ATP2A3: variants seen among roughly 807,000 people sequenced by gnomAD.
ATP2A3 encodes ATPase sarcoplasmic/endoplasmic reticulum Ca2+ transporting 3.
In ATP2A3, 61 loss-of-function variants were observed where a neutral mutation model predicts 106.8. That is an observed-to-expected ratio of 0.57 (90% CI 0.46 to 0.71). The LOEUF is 0.71. Among genes scored for constraint, ATP2A3 ranks in the 30% least tolerant of loss-of-function variants. ATP2A3 has a pLI of 0.00. For synonymous variants in ATP2A3, 611 were observed against 609.3 expected, an observed-to-expected ratio of 1.00 and a Z score of -0.04; for missense variants, 1,201 against 1,423.5, an observed-to-expected ratio of 0.84 and a Z score of 2.52.
At chr17:3,935,640 C>T (rs923874428) in intron 16 of ATP2A3, among the ~76,000 whole-genome samples, 5 of 149,686 alleles carry the variant, frequency 3.3e-5, no homozygotes, top group Non-Finnish European at 7.4e-5. Flanking sequence ...TGGGTTCAAG[C>T]GATTCTCCTG....
At chr17:3,937,720 CT>C in intron 14 of ATP2A3, 84 bp from the exon 15 acceptor site, 1 of 1,343,792 alleles carries the variant, frequency 7.4e-7, no homozygotes, top group Non-Finnish European at 1.0e-6. Flanking sequence ...CACCCCCAAT[CT>C]TAGGGGATGT....
intron 8 of ATP2A3, among the ~76,000 whole-genome samples, chr17:3,946,153 CA>C (rs1359289610): frequency 6.7e-6 from 1 of 148,150 alleles, no homozygotes; most frequent in East Asian, 2.0e-4. Flanking sequence ...GTGGCTGAAG[CA>C]AGAGAATCGC....
intron 1 of ATP2A3, among the ~76,000 whole-genome samples, chr17:3,961,552 C>T (rs371449088): frequency 5.9e-5 from 9 of 152,302 alleles, no homozygotes; most frequent in African/African-American, 2.2e-4. Context: ...CAGCCGCTGC[C>T]TCCCTCCCCT....
chr17:3,951,032 C>T (rs563961670), intron 5 of ATP2A3, among the ~76,000 whole-genome samples: 9 of 152,118 alleles, frequency 5.9e-5, no homozygotes, highest in African/African-American at 2.2e-4. Context: ...ATGGGGCTCC[C>T]AGGCCCACAT....
At chr17:3,958,879 C>CATATATAAATATATATATATATATAT (rs1567727073) in intron 1 of ATP2A3, among the ~76,000 whole-genome samples, 3 of 112,810 alleles carry the variant, frequency 2.7e-5, no homozygotes, top group African/African-American at 1.1e-4. Context: ...TACACACACA[C>CATATATAAATATATATATATATATAT]ACACACACAT....
chr17:3,951,492 G>A, intron 4 of ATP2A3, 89 bp downstream of exon 4: 1 of 1,585,426 alleles, frequency 6.3e-7, no homozygotes, highest in Non-Finnish European at 8.6e-7. Context: ...GGAAGCAGGA[G>A]AGTCTGCAGG....
At chr17:3,927,773 C>T (rs2144200030) in intron 20 of ATP2A3, 1 of 985,168 alleles carries the variant, frequency 1.0e-6, no homozygotes, top group Non-Finnish European at 1.2e-6. Context: ...AGCTCCCTTG[C>T]TCAGCCCCTA....
intron 20 of ATP2A3, chr17:3,927,324 A>C (rs2052762872): frequency 1.0e-6 from 1 of 985,312 alleles, no homozygotes; most frequent in Admixed American, 6.1e-5. Flanking sequence ...CTCACTTTTA[A>C]GTTTTCTCAA....
At position 3,945,146 on chromosome 17, in the gene ATP2A3, C is replaced by T; in HGVS notation, c.1098G>A (p.Met366Ile). The change falls in exon 9 of 21, where the codon ATG becomes ATA. Residue 366 changes from methionine to isoleucine, a missense_variant and splice_region_variant. Coordinates refer to ENST00000397041, the MANE Select transcript of ATP2A3 (RefSeq NM_005173.4). Reference sequence around the variant, plus strand: ...CCGCATCGGCCTCGGCTACCACGAACATCTGGGGAGCGCAGGGGCGTGCTT... The same window carrying T: ...CCGCATCGGCCTCGGCTACCACGAATATCTGGGGAGCGCAGGGGCGTGCTT... ...LTTNQMSVCR[M>I]FVVAEADAGS... 1 of 1,547,556 alleles carries T rather than the reference C, an allele frequency of 6.5e-7. No homozygotes were observed. The highest frequency in any genetic ancestry group is 8.7e-7 in the Non-Finnish European group (1 of 1,145,692).
At position 3,929,869 on chromosome 17, in the gene ATP2A3, C is replaced by T. The variant is rs1223321240; in HGVS notation, c.2745-424G>A. Among the ~76,000 whole-genome samples the T allele has an allele frequency of 6.7e-6, 1 of 149,878 alleles. No homozygotes were observed. ...ACCTCAGTCCTGGACTCCCCTGACCCCTGGAACCCAATCCTGGACCCTTGA... is the reference window on the plus strand; with the variant it reads ...ACCTCAGTCCTGGACTCCCCTGACCTCTGGAACCCAATCCTGGACCCTTGA... On this transcript the variant is annotated intron_variant, in intron 18 of 20. Coordinates refer to ENST00000397041, the MANE Select transcript of ATP2A3 (RefSeq NM_005173.4). The surrounding 1 kb of genome is among the most constrained non-coding windows in gnomAD (Gnocchi z 4.3).
chr17:3,936,750 A>G lies in ATP2A3; in HGVS notation c.2322-281T>C, dbSNP rs913983522. On this transcript the variant is annotated intron_variant, in intron 15 of 20. Transcript: ENST00000397041. This position sits in a 1 kb window ranked among gnomAD's most constrained non-coding sequence, Gnocchi z 5.4. ...CACACACACACACACACACACACAC[A>G]CACACGCACACGAAGAGGGCATGCC... is the stretch of plus-strand genomic sequence containing the variant. 8 of 478,212 alleles carry G rather than the reference A, an allele frequency of 1.7e-5. No individual in the cohort carries two copies. Among genetic ancestry groups the G allele is most frequent in the Non-Finnish European group, 1.9e-5 (5 of 259,658 alleles). The allele number at this position is 478,212 out of a possible 1,614,324, so 29.6% of individuals were successfully genotyped here.
At chr17:3,945,826 C>T in intron 8 of ATP2A3, among the ~76,000 whole-genome samples, 1 of 152,190 alleles carries the variant, frequency 6.6e-6, no homozygotes, top group East Asian at 1.9e-4. Flanking sequence ...CAGCCCAGCG[C>T]CCAGTAGATG....
At chr17:3,939,197 G>A (rs8064630) in intron 14 of ATP2A3, among the ~76,000 whole-genome samples, 27,427 of 151,958 alleles carry the variant, frequency 0.18, 2,567 homozygotes, top group Middle Eastern at 0.28. Flanking sequence ...ATTAAGATGA[G>A]GGTCAACATC....
intron 5 of ATP2A3, 26 bp from the exon 6 acceptor site, chr17:3,950,799 AG>A (rs2054375811): frequency 1.9e-6 from 3 of 1,609,934 alleles, no homozygotes; most frequent in Non-Finnish European, 2.5e-6. Flanking sequence ...GGCTTGGCTG[AG>A]GGTGGCTTTG....
intron 7 of ATP2A3, among the ~76,000 whole-genome samples, chr17:3,949,402 G>A (rs978360787): frequency 7.9e-5 from 12 of 152,354 alleles, no homozygotes; most frequent in Admixed American, 1.3e-4. Flanking sequence ...GAAGAGCCAG[G>A]TAGACCGGGC....
chr17:3,963,535 G>A (rs1318136824), intron 1 of ATP2A3, among the ~76,000 whole-genome samples: 1 of 152,222 alleles, frequency 6.6e-6, no homozygotes, highest in East Asian at 1.9e-4. Flanking sequence ...AGATGGGAAA[G>A]GCCTCCCTGG....
chr17:3,955,149 G>A lies in ATP2A3; in HGVS notation c.119-1439C>T, dbSNP rs146876892. ...CTCCGGACATCTGTGGCATCTCCCCGAAGCTCGTTAGCCATGCGGAATCTG... is the reference window on the plus strand; with the variant it reads ...CTCCGGACATCTGTGGCATCTCCCCAAAGCTCGTTAGCCATGCGGAATCTG... On this transcript the variant is annotated intron_variant, in intron 1 of 20. Coordinates refer to ENST00000397041, the MANE Select transcript of ATP2A3 (RefSeq NM_005173.4). The surrounding 1 kb of genome is among the most constrained non-coding windows in gnomAD (Gnocchi z 4.2). Among the ~76,000 whole-genome samples the A allele has an allele frequency of 1.1e-4, 16 of 152,342 alleles. No individual in the cohort carries two copies. Among genetic ancestry groups the A allele is most frequent in the African/African-American group, 3.6e-4 (15 of 41,578 alleles).
chr17:3,928,673 G>C lies in ATP2A3; in HGVS notation c.2970C>G (p.Asn990Lys). 6.4e-7 allele frequency: 1 copy of C among 1,550,910 alleles called. No homozygotes were observed. Among genetic ancestry groups the C allele is most frequent in the Non-Finnish European group, 8.7e-7 (1 of 1,146,856 alleles). ...GGGCCTCCCACTCACCGTGCATGTG[G>C]TTCCGGGACAGGTACTTGAGGGCCT... ...LDEALKYLSRNHMHEEMSQK is the reference protein window; with the variant it reads ...LDEALKYLSRKHMHEEMSQK Residue 990 changes from asparagine (N) to lysine (K), a missense_variant, in exon 20 of 21, where the codon AAC becomes AAG. Physicochemically the swap from Asn to Lys is moderately conservative, Grantham distance 94. This residue lies in a region of ATP2A3 where 935 missense variants were observed against 1,176.7 expected (regional missense o/e 0.79). Coordinates refer to ENST00000397041, the MANE Select transcript of ATP2A3 (RefSeq NM_005173.4). The surrounding 1 kb of genome is among the most constrained non-coding windows in gnomAD (Gnocchi z 6.1).
Position 3,928,095 on chromosome 17 carries a change from G to A in ATP2A3, c.2980+568C>T. On this transcript the variant is annotated intron_variant, in intron 20 of 20. Coordinates refer to ENST00000397041, the MANE Select transcript of ATP2A3 (RefSeq NM_005173.4). This position sits in a 1 kb window ranked among gnomAD's most constrained non-coding sequence, Gnocchi z 6.1. ...CCCACCTGGCAGAGGCAGGTGGATG[G>A]ACCCCATGTCCCAGCCCACTTCTCT... The A allele has an allele frequency of 6.2e-7, 1 of 1,609,046 alleles. No individual in the cohort carries two copies. The highest frequency in any genetic ancestry group is 1.1e-5 in the South Asian group (1 of 90,966).
Sources: allele counts gnomAD v4.1 joint callset (sites outside exome capture counted in the v4.1 genomes callset), GRCh38; gene constraint gnomAD v4.1.1; regional missense constraint gnomAD v4.1.1; non-coding constraint Gnocchi (gnomAD v3.1); transcripts MANE v1.5; gene names NCBI Gene and HGNC (gene_info 2026-07-23, HGNC 2026-07-21).